The following PTCD3 variants were observed in gnomAD, a reference collection of about 807,000 sequenced individuals.
PTCD3 encodes the protein small ribosomal subunit protein mS39.
A neutral mutation model predicts 101.9 loss-of-function variants in PTCD3; 89 were observed. That is an observed-to-expected ratio of 0.87 (90% confidence interval 0.74 to 1.04). The LOEUF (loss-of-function observed/expected upper bound fraction) is 1.04. PTCD3 is among the 50% of genes least tolerant of loss of function. The pLI is 0.00. For missense variants in PTCD3, 870 were observed against 828.2 expected, an observed-to-expected ratio of 1.05 and a Z score of -0.62; for synonymous variants, 296 against 278.5, an observed-to-expected ratio of 1.06 and a Z score of -0.63.
chr2:86,136,638 G>A (rs1674589437), intron 22 of PTCD3, 76 bp downstream of exon 22: 1 of 1,504,836 alleles, frequency 6.6e-7, no homozygotes, highest in African/African-American at 1.4e-5. Flanking sequence ...ACCAGCCTTA[G>A]CCACCACATT....
chr2:86,137,390 T>C (rs2104464406), intron 23 of PTCD3, 79 bp from the exon 24 acceptor site: 1 of 1,586,908 alleles, frequency 6.3e-7, no homozygotes, highest in Non-Finnish European at 8.6e-7. Flanking sequence ...TGACAGGCTA[T>C]AGGTGAGTGT....
chr2:86,129,500 G>C (rs548564700), intron 14 of PTCD3, among the ~76,000 whole-genome samples: 1 of 152,214 alleles, frequency 6.6e-6, no homozygotes, highest in South Asian at 2.1e-4. Context: ...AAAGTAGCTG[G>C]GCATGGTGGC....
intron 23 of PTCD3, 57 bp downstream of exon 23, chr2:86,137,197 C>T (rs1674602546): frequency 1.3e-6 from 2 of 1,492,622 alleles, no homozygotes; most frequent in Middle Eastern, 1.8e-4. Flanking sequence ...TCCATCTGCC[C>T]ATTCAAAATG....
At chr2:86,118,065 G>A (rs974815923) in intron 6 of PTCD3, among the ~76,000 whole-genome samples, 17 of 152,194 alleles carry the variant, frequency 1.1e-4, no homozygotes, top group East Asian at 5.8e-4. Flanking sequence ...GTGAGCCACC[G>A]TGTCCGGCCT....
chr2:86,136,030 C>T (rs369611868), intron 21 of PTCD3: 21 of 519,018 alleles, frequency 4.0e-5, no homozygotes, highest in Non-Finnish European at 7.7e-5. Context: ...AATTCTAAGA[C>T]AGACTGAACC....
chr2:86,111,005 T>G, intron 3 of PTCD3, 108 bp from the exon 4 acceptor site: 77 of 996,256 alleles, frequency 7.7e-5, no homozygotes, highest in Non-Finnish European at 1.1e-4. Flanking sequence ...CAGCTTCAGA[T>G]GAGATCTGCA....
At chr2:86,133,492 GATAATGA>G in intron 19 of PTCD3, 56 bp downstream of exon 19, 1 of 1,451,004 alleles carries the variant, frequency 6.9e-7, no homozygotes, top group East Asian at 2.3e-5. Context: ...CCTCTACTTT[GATAATGA>G]ATGTGCTAAC....
intron 4 of PTCD3, among the ~76,000 whole-genome samples, chr2:86,113,495 T>C (rs1266517222): frequency 1.3e-5 from 2 of 152,214 alleles, no homozygotes; most frequent in Admixed American, 1.3e-4. Context: ...ATTGTGGATA[T>C]TAAACTACAT....
At position 86,130,641 on chromosome 2, in the gene PTCD3, T is replaced by C. The variant is rs1240043593; in HGVS notation, c.1148-7T>C. 6.2e-7 allele frequency: 1 copy of C among 1,606,436 alleles called. No individual in the cohort carries two copies. The highest frequency in any genetic ancestry group is 1.7e-5 in the Admixed American group (1 of 58,868). On this transcript the variant is annotated splice_polypyrimidine_tract_variant and splice_region_variant and intron_variant, in intron 14 of 23. Coordinates refer to ENST00000254630, the MANE Select transcript of PTCD3 (RefSeq NM_017952.6). Reference sequence around the variant, plus strand: ...GGATTAAACACATTTGCTTTCTTGTTCTGCAGGAGACCCTTTAAAGAGATC... The same window carrying C: ...GGATTAAACACATTTGCTTTCTTGTCCTGCAGGAGACCCTTTAAAGAGATC...
intron 14 of PTCD3, 92 bp from the exon 15 acceptor site, chr2:86,130,556 G>T: frequency 1.1e-5 from 16 of 1,515,652 alleles, no homozygotes; most frequent in Non-Finnish European, 1.4e-5. Flanking sequence ...TGGAGGTGGA[G>T]GAAGGAGAAA....
intron 3 of PTCD3, among the ~76,000 whole-genome samples, chr2:86,110,458 T>C (rs1008222857): frequency 6.6e-6 from 1 of 152,256 alleles, no homozygotes; most frequent in Admixed American, 6.5e-5. Context: ...AAATCTAACA[T>C]AGGAGCACAA....
intron 21 of PTCD3, 97 bp downstream of exon 21, chr2:86,135,084 A>G (rs1674562309): frequency 7.4e-7 from 1 of 1,356,078 alleles, no homozygotes; most frequent in Non-Finnish European, 1.0e-6. Flanking sequence ...TTGGCCACAT[A>G]ACACGTATTT....
chr2:86,118,998 A>T lies in PTCD3; in HGVS notation c.492A>T (p.Arg164Ser). 6.2e-7 allele frequency: 1 copy of T among 1,614,182 alleles called. No homozygotes were observed. The highest frequency in any genetic ancestry group is 1.1e-5 in the South Asian group (1 of 91,086). ...EAALKERIEL[R>S]KVKASVDMFD... ...CCCTGAAGGAACGAATTGAGCTCAG[A>T]AAAGTCAAAGCCTCTGTGGACATGT... The change falls in exon 7 of 24, where the codon AGA (arginine) becomes AGT (serine). Residue 164 changes from arginine to serine, a missense_variant. By Grantham distance (110) the Arg-to-Ser change is moderately radical. Transcript: ENST00000254630.
intron 17 of PTCD3, 35 bp from the exon 18 acceptor site, chr2:86,133,143 C>T: frequency 2.5e-6 from 4 of 1,606,418 alleles, no homozygotes; most frequent in Non-Finnish European, 2.5e-6. Flanking sequence ...GACATAGGGA[C>T]TTTAGACTAA....
intron 10 of PTCD3, 100 bp downstream of exon 10, chr2:86,125,182 T>G: frequency 6.6e-7 from 1 of 1,517,878 alleles, no homozygotes; most frequent in Non-Finnish European, 8.8e-7. Context: ...TGTTGTGGGG[T>G]CTGTCCTGTG....
chr2:86,136,413 A>G (rs1674585306), intron 21 of PTCD3, 108 bp from the exon 22 acceptor site: 2 of 1,065,794 alleles, frequency 1.9e-6, no homozygotes, highest in Non-Finnish European at 1.4e-6. Flanking sequence ...CTTACAGTAT[A>G]GTTAAGAAAA....
chr2:86,127,245 C>T lies in PTCD3; in HGVS notation c.1036C>T (p.His346Tyr), dbSNP rs760049086. 5 of 1,614,052 alleles carry T rather than the reference C, an allele frequency of 3.1e-6. No individual in the cohort carries two copies. Among genetic ancestry groups the T allele is most frequent in the Non-Finnish European group, 4.2e-6 (5 of 1,179,950 alleles). ...CATTCTGAAATGTCTCCGAAGATTTCATGTGTTTGCAAGATCGCCAGCCTT... is the reference window on the plus strand; with the variant it reads ...CATTCTGAAATGTCTCCGAAGATTTTATGTGTTTGCAAGATCGCCAGCCTT... ...NTILKCLRRFHVFARSPALQV... is the reference protein window; with the variant it reads ...NTILKCLRRFYVFARSPALQV... Residue 346 changes from histidine to tyrosine, a missense_variant, in exon 13 of 24, where the codon CAT becomes TAT. Transcript: ENST00000254630.
chr2:86,127,973 C>A lies in PTCD3; in HGVS notation c.1129C>A (p.Arg377Ser). ...PSLATYHHIIRLFDQPGDPLK... is the reference protein window; with the variant it reads ...PSLATYHHIISLFDQPGDPLK... ...GCTTGCAACATATCACCATATTATT[C>A]GCCTGTTTGATCAACCTGGTATGTA... The change falls in exon 14 of 24, where the codon CGC becomes AGC. Residue 377 changes from arginine (R) to serine (S), a missense_variant. Transcript: ENST00000254630. The A allele has an allele frequency of 6.2e-7, 1 of 1,610,060 alleles. No homozygotes were observed. Among genetic ancestry groups the A allele is most frequent in the Non-Finnish European group, 8.5e-7 (1 of 1,176,522 alleles).
In PTCD3 at chr2:86,133,360, C is replaced by G; in HGVS notation, c.1467C>G (p.His489Gln). Residue 489 changes from histidine to glutamine, a missense_variant, in exon 19 of 24, where the codon CAC (histidine) becomes CAG (glutamine). Transcript: ENST00000254630. ...EDLIPSAYFP[H>Q]SQTMIHLLQA... is the part of the protein sequence containing the mutation. ...CTCTTAATCAGGCCTACTTTCCCCACTCCCAAACAATGATACATCTTCTCC... is the reference window on the plus strand; with the variant it reads ...CTCTTAATCAGGCCTACTTTCCCCAGTCCCAAACAATGATACATCTTCTCC... 6.2e-7 allele frequency: 1 copy of G among 1,614,160 alleles called. No individual in the cohort carries two copies. Among genetic ancestry groups the G allele is most frequent in the African/African-American group, 1.3e-5 (1 of 75,054 alleles).
Sources: gnomAD v4.1 joint callset for allele counts (sites outside exome capture counted in the v4.1 genomes callset) on GRCh38, gnomAD v4.1.1 for gene constraint, MANE v1.5 for transcripts, NCBI Gene and HGNC (gene_info 2026-07-23, HGNC 2026-07-21) for gene names.